UGT1A6: variants seen among roughly 807,000 people sequenced by gnomAD.
UGT1A6 encodes UDP glucuronosyltransferase family 1 member A6.
A neutral mutation model predicts 44.4 loss-of-function variants in UGT1A6; 32 were observed. The observed-to-expected ratio is 0.72, with a 90% CI of 0.54 to 0.97. UGT1A6 has a LOEUF of 0.97. Ranked by LOEUF, UGT1A6 falls within the 50% of genes least tolerant of loss-of-function variation. UGT1A6 has a pLI of 0.00. For synonymous variants in UGT1A6, 238 were observed against 248.5 expected (o/e 0.96, Z 0.40); for missense variants, 685 against 661.9 (o/e 1.03, Z -0.38).
intron 1 of UGT1A6, among the ~76,000 whole-genome samples, chr2:233,717,504 C>T (rs1170587826): frequency 6.6e-6 from 1 of 152,186 alleles, no homozygotes; most frequent in Non-Finnish European, 1.5e-5. Flanking sequence ...ATGTGGATTT[C>T]TAATGGGAGT....
chr2:233,772,893 C>A lies in UGT1A6; in HGVS notation c.*334C>A, dbSNP rs1248675472. 18 of 490,984 alleles carry A rather than the reference C, an allele frequency of 3.7e-5. No individual in the cohort carries two copies. In the East Asian group the frequency reaches 9.8e-4, roughly 27 times the overall value. 30.4% of individuals were successfully genotyped at this position (490,984 alleles called of 1,614,324 possible). A position where few individuals can be genotyped will look rare whatever the true frequency, so the allele number is the denominator to read the frequency against. ...TGGGAGTGCGGGATTCAAAGGTGGTCCCACGGCTGCCCCTACTGCAAATGG... is the reference window on the plus strand; with the variant it reads ...TGGGAGTGCGGGATTCAAAGGTGGTACCACGGCTGCCCCTACTGCAAATGG... On this transcript the variant is annotated 3_prime_UTR_variant, in exon 5 of 5. Transcript: ENST00000305139.
At chr2:233,695,274 T>C (rs1346738966) in intron 1 of UGT1A6, among the ~76,000 whole-genome samples, 1 of 151,970 alleles carries the variant, frequency 6.6e-6, no homozygotes, top group East Asian at 1.9e-4. Context: ...TATAGGCATG[T>C]GCCACCATTC....
chr2:233,719,182 CT>C, intron 1 of UGT1A6: 1 of 1,614,216 alleles, frequency 6.2e-7, no homozygotes, highest in Non-Finnish European at 8.5e-7. Context: ...AACAATGTAT[CT>C]TTGGCCCTTC....
chr2:233,748,109 G>A (rs1215169809), intron 1 of UGT1A6: 2 of 1,612,198 alleles, frequency 1.2e-6, no homozygotes, highest in African/African-American at 1.3e-5. Context: ...TCCAATCAAT[G>A]TTCCAGGCAA....
chr2:233,772,882 T>C lies in UGT1A6; in HGVS notation c.*323T>C. 1.8e-6 allele frequency: 1 copy of C among 558,640 alleles called. No homozygotes were observed. Among genetic ancestry groups the C allele is most frequent in the Non-Finnish European group, 2.8e-6 (1 of 359,816 alleles). The allele number at this position is 558,640 out of a possible 1,614,324, so 34.6% of individuals were successfully genotyped here. ...CATGGCCTGTTTGGGAGTGCGGGAT[T>C]CAAAGGTGGTCCCACGGCTGCCCCT... On this transcript the variant is annotated 3_prime_UTR_variant, in exon 5 of 5. Transcript: ENST00000305139.
rs1350270227 is a variant in UGT1A6 at position 233,745,087 on chromosome 2, TC to T, written c.862-21941del. On this transcript the variant is annotated intron_variant, in intron 1 of 4. Transcript: ENST00000305139. Reference sequence around the variant, plus strand: ...ATTTGTATTGTTTTTTCATTGCTCTTCCCCCCAAATATTTTTAATCTGCTGT... The same window carrying T: ...ATTTGTATTGTTTTTTCATTGCTCTTCCCCCAAATATTTTTAATCTGCTGT... 1.1e-4 allele frequency among the ~76,000 whole-genome samples: 17 copies of T among 151,820 alleles called. 1 individual carries two copies. Among genetic ancestry groups the T allele is most frequent in the African/African-American group, 4.1e-4 (17 of 41,100 alleles).
intron 1 of UGT1A6, among the ~76,000 whole-genome samples, chr2:233,737,177 G>A (rs566988062): frequency 3.9e-5 from 6 of 152,300 alleles, no homozygotes; most frequent in Middle Eastern, 3.4e-3. Flanking sequence ...AGTCTATAGC[G>A]GCAGTAGCCC....
chr2:233,719,883 T>C (rs871514), intron 1 of UGT1A6, among the ~76,000 whole-genome samples: 81,602 of 151,974 alleles, frequency 0.54, 23,564 homozygotes, highest in African/African-American at 0.76. Context: ...GAGGCACGGA[T>C]GAGGGTCTGT....
At chr2:233,694,570 C>A (rs1391330789) in intron 1 of UGT1A6, among the ~76,000 whole-genome samples, 1 of 152,164 alleles carries the variant, frequency 6.6e-6, no homozygotes, top group African/African-American at 2.4e-5. Context: ...TTTTAAATTT[C>A]AATGTAAATA....
chr2:233,713,954 C>T (rs1224716390), intron 1 of UGT1A6: 55 of 1,607,802 alleles, frequency 3.4e-5, no homozygotes, highest in Non-Finnish European at 4.7e-5. Context: ...ACTTATCTTT[C>T]CAAAGATTTC....
intron 1 of UGT1A6, among the ~76,000 whole-genome samples, chr2:233,738,606 A>G (rs1397968465): frequency 6.6e-6 from 1 of 152,228 alleles, no homozygotes; most frequent in Non-Finnish European, 1.5e-5. Flanking sequence ...AAGCTTTAGC[A>G]AAGAAACTCG....
intron 1 of UGT1A6, among the ~76,000 whole-genome samples, chr2:233,695,593 CTTCTGGTAAT>C (rs1373970979): frequency 6.6e-6 from 1 of 151,798 alleles, no homozygotes; most frequent in Admixed American, 6.6e-5. Flanking sequence ...CCCTTTCCAC[CTTCTGGTAAT>C]TACCAATGAA....
intron 1 of UGT1A6, chr2:233,719,247 G>A: frequency 1.2e-6 from 2 of 1,614,186 alleles, no homozygotes. Context: ...GCACCTGAAT[G>A]CTACTTCCTT....
intron 1 of UGT1A6, chr2:233,760,113 A>G: frequency 2.4e-6 from 3 of 1,233,108 alleles, no homozygotes; most frequent in Non-Finnish European, 3.3e-6. Flanking sequence ...TAAGAAACCT[A>G]ATAAAGCTCC....
chr2:233,755,023 AG>A (rs1475271740), intron 1 of UGT1A6: 1 of 1,305,718 alleles, frequency 7.7e-7, no homozygotes, highest in African/African-American at 1.5e-5. Context: ...GGGTCCTTGA[AG>A]GGCCTGCCGC....
intron 1 of UGT1A6, chr2:233,744,007 G>A: frequency 8.6e-7 from 1 of 1,163,688 alleles, no homozygotes; most frequent in Non-Finnish European, 1.1e-6. Flanking sequence ...TCGGAGACCT[G>A]GGCCGCCTGG....
At position 233,761,028 on chromosome 2, in the gene UGT1A6, A is replaced by G. The variant is rs1400753834; in HGVS notation, c.862-6006A>G. The G allele has an allele frequency of 9.3e-6, 15 of 1,614,144 alleles. No individual in the cohort carries two copies. Among genetic ancestry groups the G allele is most frequent in the Non-Finnish European group, 1.3e-5 (15 of 1,180,012 alleles). Reference sequence around the variant, plus strand: ...AGAGAGAGGTGACTGTCCAGGACCTATTGAGCTCTGCATCTGTCTGGCTGT... The same window carrying G: ...AGAGAGAGGTGACTGTCCAGGACCTGTTGAGCTCTGCATCTGTCTGGCTGT... On this transcript the variant is annotated intron_variant, in intron 1 of 4. Transcript: ENST00000305139.
intron 1 of UGT1A6, chr2:233,713,136 C>A (rs41270755): frequency 6.2e-7 from 1 of 1,614,170 alleles, no homozygotes; most frequent in East Asian, 2.2e-5. Context: ...GGAGGCCTTG[C>A]GGGACCTCCA....
intron 1 of UGT1A6, chr2:233,755,811 GA>G (rs2125938248): frequency 6.6e-6 from 1 of 152,252 alleles, no homozygotes; most frequent in East Asian, 1.9e-4. Flanking sequence ...GATTAAAACA[GA>G]ATTAAAAAGA....
Sources: gnomAD v4.1 joint callset for allele counts (sites outside exome capture counted in the v4.1 genomes callset) on GRCh38, gnomAD v4.1.1 for gene constraint, MANE v1.5 for transcripts, NCBI Gene and HGNC (gene_info 2026-07-23, HGNC 2026-07-21) for gene names.